Variants in THAP10 observed in about 807,000 individuals in gnomAD.
THAP10 encodes the protein THAP domain-containing protein 10.
In THAP10, 10 loss-of-function variants were observed where a neutral mutation model predicts 15.7. The observed-to-expected ratio is 0.64, with a 90% CI of 0.39 to 1.08. The LOEUF is 1.08. THAP10 is among the 50% of genes least tolerant of loss of function. The pLI is 0.01. For synonymous variants in THAP10, 127 were observed against 129.1 expected (o/e 0.98, Z 0.11); for missense variants, 310 against 330.9 (o/e 0.94, Z 0.49).
chr15:70,882,297 G>T lies in THAP10; in HGVS notation c.*157C>A. The T allele has an allele frequency of 3.3e-6, 2 of 606,930 alleles. No individual in the cohort carries two copies. Among genetic ancestry groups the T allele is most frequent in the Non-Finnish European group, 2.8e-6 (1 of 351,934 alleles). 37.6% of individuals were successfully genotyped at this position (606,930 alleles called of 1,614,324 possible). A position where few individuals can be genotyped will look rare whatever the true frequency, so the allele number is the denominator to read the frequency against. On this transcript the variant is annotated 3_prime_UTR_variant, in exon 3 of 3. Coordinates refer to ENST00000249861, the MANE Select transcript of THAP10 (RefSeq NM_020147.4). ...GGGTAGGTATTATCTTCATTGTGTT[G>T]GCAAGCAAGCAAACTTTTGCCTTAG...
chr15:70,891,547 C>A (rs1229874728), intron 1 of THAP10, among the ~76,000 whole-genome samples: 3 of 149,962 alleles, frequency 2.0e-5, no homozygotes, highest in African/African-American at 7.4e-5. Flanking sequence ...AAGCAACTCA[C>A]TACTCTGCAG....
At position 70,887,290 on chromosome 15, in the gene THAP10, A is replaced by C. The variant is rs2141088829; in HGVS notation, c.430-4382T>G. Among the ~76,000 whole-genome samples the C allele has an allele frequency of 1.3e-5, 2 of 152,254 alleles. 1 individual carries two copies. The highest frequency in any genetic ancestry group is 4.1e-4 in the South Asian group (2 of 4,828). On this transcript the variant is annotated intron_variant, in intron 1 of 2. Transcript: ENST00000249861. ...ATCTGTTGGCATAATCTTCATACCA[A>C]ACCTGAGAAAGGCATTCCAAGAAAG...
intron 1 of THAP10, among the ~76,000 whole-genome samples, chr15:70,890,398 A>G (rs1334305422): frequency 6.6e-6 from 1 of 152,232 alleles, no homozygotes; most frequent in Non-Finnish European, 1.5e-5. Context: ...AAATTCAATT[A>G]TAATGCAAAA....
At chr15:70,883,398 T>C (rs953191167) in intron 1 of THAP10, among the ~76,000 whole-genome samples, 1 of 152,118 alleles carries the variant, frequency 6.6e-6, no homozygotes, top group African/African-American at 2.4e-5. Flanking sequence ...TTCACCATGT[T>C]AGCCAGGCTG....
Position 70,891,974 on chromosome 15 carries a change from C to G in THAP10, c.299G>C (p.Gly100Ala), listed in dbSNP as rs945116988. Reference protein sequence around the residue: ...HRVPAPAPKRGEEGDQAGRLD... With the variant: ...HRVPAPAPKRAEEGDQAGRLD... ...GCGGCCTGCTTGGTCTCCCTCCTCT[C>G]CCCTCTTAGGTGCCGGGGCGGGCAC... is the stretch of plus-strand genomic sequence containing the variant. Residue 100 changes from glycine to alanine, a missense_variant, in exon 1 of 3, where the codon GGA becomes GCA. Transcript: ENST00000249861. 23 of 1,613,444 alleles carry G rather than the reference C, an allele frequency of 1.4e-5. No homozygotes were observed. Among genetic ancestry groups the G allele is most frequent in the Non-Finnish European group, 1.9e-5 (22 of 1,179,818 alleles).
chr15:70,892,376 T>C lies in THAP10; in HGVS notation c.-104A>G. The stretch of plus-strand genomic sequence containing the variant: ...AGGCAAGTCCTCCCCTCCTCACCTG[T>C]CCACTCCGGGTCGGGATTGTTTCCT... On this transcript the variant is annotated 5_prime_UTR_variant, in exon 1 of 3. Coordinates refer to ENST00000249861, the MANE Select transcript of THAP10 (RefSeq NM_020147.4). The C allele has an allele frequency of 6.5e-7, 1 of 1,546,604 alleles. No homozygotes were observed. Among genetic ancestry groups the C allele is most frequent in the African/African-American group, 1.4e-5 (1 of 73,148 alleles).
In THAP10 at chr15:70,892,249, G is replaced by C. The variant is rs767741766; in HGVS notation, c.24C>G (p.Ala8=). 4 of 1,580,590 alleles carry C rather than the reference G, an allele frequency of 2.5e-6. No individual in the cohort carries two copies. The East Asian group carries it at 9.3e-5, about 37-fold the overall frequency. MPARCVA[A]HCGNTTKSGK... ...CAGACTTGGTGGTGTTGCCGCAGTG[G>C]GCGGCCACACAACGGGCCGGCATGG... Residue 8 remains alanine, a synonymous_variant, in exon 1 of 3, where the codon GCC becomes GCG. Transcript: ENST00000249861.
intron 1 of THAP10, among the ~76,000 whole-genome samples, chr15:70,890,099 G>T (rs375626002): frequency 6.6e-6 from 1 of 152,110 alleles, no homozygotes; most frequent in Non-Finnish European, 1.5e-5. Context: ...GTTTCCCAAC[G>T]GTTAGTTTTT....
intron 1 of THAP10, among the ~76,000 whole-genome samples, chr15:70,886,679 A>G (rs1219099257): frequency 6.6e-6 from 1 of 152,192 alleles, no homozygotes; most frequent in Non-Finnish European, 1.5e-5. Context: ...CAGCCTGGCC[A>G]AGATGGTGAA....
chr15:70,891,982 A>G lies in THAP10; in HGVS notation c.291T>C (p.Pro97=), dbSNP rs1237096434. 3.1e-6 allele frequency: 5 copies of G among 1,613,344 alleles called. No homozygotes were observed. The change falls in exon 1 of 3, where the codon CCT becomes CCC. Residue 97 remains proline (P), a synonymous_variant. Transcript: ENST00000249861. ...PTLHRVPAPA[P]KRGEEGDQAG... ...CTTGGTCTCCCTCCTCTCCCCTCTTAGGTGCCGGGGCGGGCACCCGGTGCA... is the reference window on the plus strand; with the variant it reads ...CTTGGTCTCCCTCCTCTCCCCTCTTGGGTGCCGGGGCGGGCACCCGGTGCA...
Position 70,882,284 on chromosome 15 carries a change from T to C in THAP10, c.*170A>G. ...TAGGGATGTTTGTGGGTAGGTATTA[T>C]CTTCATTGTGTTGGCAAGCAAGCAA... On this transcript the variant is annotated 3_prime_UTR_variant, in exon 3 of 3. Coordinates refer to ENST00000249861, the MANE Select transcript of THAP10 (RefSeq NM_020147.4). 1 of 575,098 alleles carries C rather than the reference T, an allele frequency of 1.7e-6. No homozygotes were observed. Among genetic ancestry groups the C allele is most frequent in the South Asian group, 2.6e-5 (1 of 38,030 alleles). The allele number at this position is 575,098 out of a possible 1,614,324, so 35.6% of individuals were successfully genotyped here.
At position 70,882,800 on chromosome 15, in the gene THAP10, T is replaced by C; in HGVS notation, c.538A>G (p.Thr180Ala). 1 of 1,614,200 alleles carries C rather than the reference T, an allele frequency of 6.2e-7. No homozygotes were observed. Among genetic ancestry groups the C allele is most frequent in the Non-Finnish European group, 8.5e-7 (1 of 1,180,018 alleles). ...CGGGGCCTTTTCAAAGAAATTTGTG[T>C]ACTTTTATGCACTGGGCCTTCTTCA... ...HCEEGPVHKS[T>A]QISLKRPRHR... Residue 180 changes from threonine to alanine, a missense_variant, in exon 2 of 3, where the codon ACA becomes GCA. Transcript: ENST00000249861.
intron 1 of THAP10, among the ~76,000 whole-genome samples, chr15:70,889,257 A>C (rs1044924201): frequency 2.6e-5 from 4 of 152,334 alleles, no homozygotes; most frequent in African/African-American, 9.6e-5. Context: ...AAAATGAACT[A>C]CTGTTCTATG....
intron 1 of THAP10, among the ~76,000 whole-genome samples, chr15:70,891,567 CTGTGTG>C (rs3220843): frequency 0.028 from 3,791 of 137,022 alleles, 63 homozygotes; most frequent in South Asian, 0.035. Context: ...GGACAAGACT[CTGTGTG>C]TGTGTGTGTG....
chr15:70,885,273 G>A (rs2033375770), intron 1 of THAP10, among the ~76,000 whole-genome samples: 1 of 152,114 alleles, frequency 6.6e-6, no homozygotes. Context: ...TAGGGGATAA[G>A]ATTTAAAAGT....
chr15:70,882,258 A>G lies in THAP10; in HGVS notation c.*196T>C. ...AGAAAAAAAAAGGTGAAAGTAGAGA[A>G]TAGGGATGTTTGTGGGTAGGTATTA... On this transcript the variant is annotated 3_prime_UTR_variant, in exon 3 of 3. Transcript: ENST00000249861. The G allele has an allele frequency of 2.0e-6, 1 of 501,086 alleles. No individual in the cohort carries two copies. Among genetic ancestry groups the G allele is most frequent in the Non-Finnish European group, 3.5e-6 (1 of 286,966 alleles). The allele number at this position is 501,086 out of a possible 1,614,324, so 31.0% of individuals were successfully genotyped here.
chr15:70,890,941 T>G (rs1171192721), intron 1 of THAP10, among the ~76,000 whole-genome samples: 1 of 152,146 alleles, frequency 6.6e-6, no homozygotes, highest in Non-Finnish European at 1.5e-5. Context: ...GGGTTAATAA[T>G]TTTGCTCTTT....
At chr15:70,887,566 A>C (rs2033443740) in intron 1 of THAP10, among the ~76,000 whole-genome samples, 1 of 152,194 alleles carries the variant, frequency 6.6e-6, no homozygotes, top group Non-Finnish European at 1.5e-5. Context: ...CATTATTTAT[A>C]ATCTAAACTA....
chr15:70,886,514 GA>G (rs200027967), intron 1 of THAP10, among the ~76,000 whole-genome samples: 23 of 151,174 alleles, frequency 1.5e-4, no homozygotes, highest in South Asian at 1.0e-3. Context: ...TGAAATAAAT[GA>G]AAAAAAAATT....
Sources: gnomAD v4.1 joint callset for allele counts (sites outside exome capture counted in the v4.1 genomes callset) on GRCh38, gnomAD v4.1.1 for gene constraint, MANE v1.5 for transcripts, NCBI Gene and HGNC (gene_info 2026-07-23, HGNC 2026-07-21) for gene names.